CNTNAP2: variants seen among roughly 807,000 people sequenced by gnomAD.
CNTNAP2 encodes contactin associated protein 2, also known as contactin-associated protein-like 2.
CNTNAP2 carries 98 observed loss-of-function variants against 155.2 expected under a neutral mutation model. The ratio of observed to expected loss-of-function variants is 0.63; its 90% CI spans 0.54 to 0.75. The LOEUF (loss-of-function observed/expected upper bound fraction) is 0.75. Ranked by LOEUF, CNTNAP2 falls within the 30% of genes least tolerant of loss-of-function variation. CNTNAP2 has a pLI of 0.00. For missense variants in CNTNAP2, 1,727 were observed against 1,688.1 expected (o/e 1.02, Z -0.40); for synonymous variants, 651 against 631.2 (o/e 1.03, Z -0.47).
At chr7:146,165,871 C>T (rs1798305136) in intron 1 of CNTNAP2, among the ~76,000 whole-genome samples, 1 of 152,074 alleles carries the variant, frequency 6.6e-6, no homozygotes, top group African/African-American at 2.4e-5. Context: ...TGATAGTTCC[C>T]AACATGTATT....
chr7:146,838,616 T>TCGAA (rs113766947), intron 2 of CNTNAP2, among the ~76,000 whole-genome samples: 6 of 151,732 alleles, frequency 4.0e-5, no homozygotes, highest in African/African-American at 1.5e-4. Flanking sequence ...CTGAGCCCAG[T>TCGAA]CAGTTATTTT....
rs771127036 is a variant in CNTNAP2, at chr7:147,757,726, A to C, written c.2098+118420A>C. Among the ~76,000 whole-genome samples the C allele has an allele frequency of 1.4e-4, 21 of 152,230 alleles. No individual in the cohort carries two copies. In the Middle Eastern group the frequency reaches 0.014, roughly 99 times the overall value. ...GGTTTCCTTAGAGCTTCAGGTAAAA[A>C]TCTTAGCCTGGATCTTAATAATTAT... On this transcript the variant is annotated intron_variant, in intron 13 of 23. Transcript: ENST00000361727.
intron 2 of CNTNAP2, among the ~76,000 whole-genome samples, chr7:146,808,860 G>A (rs1490505654): frequency 6.6e-6 from 1 of 152,078 alleles, no homozygotes; most frequent in Non-Finnish European, 1.5e-5. Flanking sequence ...CATTCACGTT[G>A]TCACGAATGA....
chr7:147,589,926 AT>A (rs1800706167), intron 12 of CNTNAP2, among the ~76,000 whole-genome samples: 1 of 152,058 alleles, frequency 6.6e-6, no homozygotes, highest in African/African-American at 2.4e-5. Flanking sequence ...GATCCTGTAG[AT>A]TGTATCTATC....
At chr7:146,997,189 T>G (rs1798328147) in intron 3 of CNTNAP2, among the ~76,000 whole-genome samples, 1 of 152,178 alleles carries the variant, frequency 6.6e-6, no homozygotes, top group Non-Finnish European at 1.5e-5. Flanking sequence ...TCTTTCCCAT[T>G]TAATATGTTA....
intron 14 of CNTNAP2, among the ~76,000 whole-genome samples, chr7:147,929,696 A>G (rs1224089154): frequency 1.3e-5 from 2 of 152,174 alleles, no homozygotes; most frequent in Non-Finnish European, 2.9e-5. Flanking sequence ...CCCTATTTCA[A>G]ATTTTTTAAT....
In CNTNAP2 at chr7:146,551,074, T is replaced by A. The variant is rs150948637; in HGVS notation, c.98-223197T>A. On this transcript the variant is annotated intron_variant, in intron 1 of 23. Transcript: ENST00000361727. ...TCACCAAGGGGCAATAAGATGGCAG[T>A]AGAGTCTTAGTAAGGCACATGTGAT... Among the ~76,000 whole-genome samples, 396 of 152,224 alleles carry A rather than the reference T, an allele frequency of 2.6e-3. 6 individuals carry two copies. Among genetic ancestry groups the A allele is most frequent in the African/African-American group, 9.1e-3 (380 of 41,548 alleles).
intron 8 of CNTNAP2, among the ~76,000 whole-genome samples, chr7:147,223,948 A>G (rs1191872033): frequency 6.6e-6 from 1 of 151,698 alleles, no homozygotes; most frequent in African/African-American, 2.4e-5. Context: ...TCAAAAAAAA[A>G]AAAAAAAAGA....
intron 8 of CNTNAP2, among the ~76,000 whole-genome samples, chr7:147,198,049 A>G (rs1802841361): frequency 6.6e-6 from 1 of 152,108 alleles, no homozygotes; most frequent in South Asian, 2.1e-4. Context: ...GTTCATGCCT[A>G]AAGACAAATG....
chr7:146,152,743 T>C (rs971957847), intron 1 of CNTNAP2, among the ~76,000 whole-genome samples: 11 of 152,136 alleles, frequency 7.2e-5, no homozygotes, highest in African/African-American at 2.7e-4. Flanking sequence ...AAATCTCTGC[T>C]AGATTGAACT....
intron 9 of CNTNAP2, among the ~76,000 whole-genome samples, chr7:147,329,358 A>T (rs992029059): frequency 1.1e-4 from 17 of 152,010 alleles, no homozygotes; most frequent in Admixed American, 3.9e-4. Flanking sequence ...TATACACAGT[A>T]TTATAATTTA....
chr7:147,327,169 A>G (rs1421326565), intron 9 of CNTNAP2, among the ~76,000 whole-genome samples: 1 of 152,226 alleles, frequency 6.6e-6, no homozygotes, highest in Non-Finnish European at 1.5e-5. Context: ...CACAACAGAA[A>G]TATTCATTGG....
chr7:147,064,585 C>T (rs1017101981), intron 4 of CNTNAP2, among the ~76,000 whole-genome samples: 1 of 152,170 alleles, frequency 6.6e-6, no homozygotes, highest in African/African-American at 2.4e-5. Flanking sequence ...CACACACCGC[C>T]TTTCTTTCCT....
intron 11 of CNTNAP2, among the ~76,000 whole-genome samples, chr7:147,555,121 T>TA (rs1239532576): frequency 6.6e-6 from 1 of 152,178 alleles, no homozygotes; most frequent in African/African-American, 2.4e-5. Flanking sequence ...TCTGTTGAGA[T>TA]AAAAAAGTCA....
intron 1 of CNTNAP2, among the ~76,000 whole-genome samples, chr7:146,646,333 T>TGC (rs1455145433): frequency 6.6e-6 from 1 of 152,210 alleles, no homozygotes; most frequent in Non-Finnish European, 1.5e-5. Context: ...TGTGTGTGTG[T>TGC]GCACGTGCAC....
intron 1 of CNTNAP2, among the ~76,000 whole-genome samples, chr7:146,505,216 T>C (rs1797365190): frequency 6.6e-6 from 1 of 152,210 alleles, no homozygotes; most frequent in Non-Finnish European, 1.5e-5. Flanking sequence ...CCCCTGCTGC[T>C]GCTTGAAGGG....
At chr7:147,993,726 A>T (rs1265940708) in intron 15 of CNTNAP2, among the ~76,000 whole-genome samples, 7 of 152,182 alleles carry the variant, frequency 4.6e-5, no homozygotes, top group African/African-American at 1.4e-4. Context: ...CAAATTAGCG[A>T]ATTATGTTGT....
chr7:148,352,555 C>T (rs1004678678), intron 21 of CNTNAP2, among the ~76,000 whole-genome samples: 4 of 152,146 alleles, frequency 2.6e-5, no homozygotes, highest in African/African-American at 9.7e-5. Flanking sequence ...TGTGGGGACC[C>T]TTAACTTAGG....
At chr7:147,106,209 A>T (rs1800762351) in intron 4 of CNTNAP2, among the ~76,000 whole-genome samples, 1 of 152,106 alleles carries the variant, frequency 6.6e-6, no homozygotes, top group African/African-American at 2.4e-5. Context: ...ACTGTCACTG[A>T]TAGGAAATTG....
Sources: allele counts gnomAD v4.1 joint callset (sites outside exome capture counted in the v4.1 genomes callset), GRCh38; gene constraint gnomAD v4.1.1; transcripts MANE v1.5; gene names NCBI Gene and HGNC (gene_info 2026-07-23, HGNC 2026-07-21).